Variants in FMNL3 observed in about 807,000 individuals in gnomAD.
FMNL3 encodes formin-like protein 3.
Under a neutral mutation model 119.6 loss-of-function variants are expected in FMNL3, and 57 were observed. The ratio of observed to expected loss-of-function variants is 0.48; its 90% CI spans 0.39 to 0.59. The LOEUF is 0.59. Among genes scored for constraint, FMNL3 ranks in the 20% least tolerant of loss-of-function variants. The pLI is 0.00. For synonymous variants in FMNL3, 491 were observed against 507.3 expected, an observed-to-expected ratio of 0.97 and a Z score of 0.43; for missense variants, 1,053 against 1,323.5, an observed-to-expected ratio of 0.80 and a Z score of 3.17.
intron 1 of FMNL3, among the ~76,000 whole-genome samples, chr12:49,701,841 T>C (rs1335362948): frequency 6.6e-6 from 1 of 151,804 alleles, no homozygotes; most frequent in African/African-American, 2.4e-5. Flanking sequence ...GAGAATCGCT[T>C]GAACCCAGGA....
At chr12:49,698,211 GGT>G (rs1944804476) in intron 1 of FMNL3, among the ~76,000 whole-genome samples, 1 of 152,170 alleles carries the variant, frequency 6.6e-6, no homozygotes. Context: ...CTTCCCTGTT[GGT>G]GTGTATAAGG....
chr12:49,707,242 C>T lies in FMNL3; in HGVS notation c.-62G>A. 1 of 1,395,562 alleles carries T rather than the reference C, an allele frequency of 7.2e-7. No individual in the cohort carries two copies. The highest frequency in any genetic ancestry group is 9.3e-7 in the Non-Finnish European group (1 of 1,071,118). 86.4% of individuals were successfully genotyped at this position (1,395,562 alleles called of 1,614,324 possible). A position where few individuals can be genotyped will look rare whatever the true frequency, so the allele number is the denominator to read the frequency against. On this transcript the variant is annotated 5_prime_UTR_variant, in exon 1 of 26. Coordinates refer to ENST00000335154, the MANE Select transcript of FMNL3 (RefSeq NM_175736.5). ...CTCCACGCTCCGGAGCTTTCGGCTC[C>T]GCGGCTCCGACCAGGCTCCTCCCTC... is the stretch of plus-strand genomic sequence containing the variant.
At chr12:49,657,243 T>A (rs1943600356) in intron 6 of FMNL3, 53 bp from the exon 7 acceptor site, 1 of 1,381,546 alleles carries the variant, frequency 7.2e-7, no homozygotes. Context: ...CAGTGAAGCA[T>A]CTAGGGACAC....
intron 1 of FMNL3, among the ~76,000 whole-genome samples, chr12:49,678,251 G>A (rs924967047): frequency 2.0e-5 from 3 of 150,724 alleles, no homozygotes; most frequent in Non-Finnish European, 4.4e-5. Flanking sequence ...TCTGCCTCCC[G>A]GGTTCAAGTG....
At chr12:49,671,832 A>G (rs1944054163) in intron 1 of FMNL3, among the ~76,000 whole-genome samples, 1 of 152,136 alleles carries the variant, frequency 6.6e-6, no homozygotes, top group Non-Finnish European at 1.5e-5. Context: ...CTAACTCCTC[A>G]TTGAGACCCT....
rs764979918 is a variant in FMNL3 at position 49,644,132 on chromosome 12, T to C, written c.*1683A>G. On this transcript the variant is annotated 3_prime_UTR_variant, in exon 26 of 26. Transcript: ENST00000335154. ...GGGACACGTCAGAAAGTGAGCTGAG[T>C]GAGGGTGAGCTGGAGAGGCGGCGGC... is the stretch of plus-strand genomic sequence containing the variant. 11 of 1,613,864 alleles carry C rather than the reference T, an allele frequency of 6.8e-6. No individual in the cohort carries two copies. In the East Asian group the frequency reaches 1.8e-4, roughly 26 times the overall value.
In FMNL3 at chr12:49,707,081, G is replaced by C; in HGVS notation, c.100C>G (p.Leu34Val). The C allele has an allele frequency of 1.9e-6, 3 of 1,593,698 alleles. No homozygotes were observed. In the South Asian group the frequency reaches 3.4e-5, roughly 18 times the overall value. ...GKMPMPEPCE[L>V]EERFALVLSS... Reference sequence around the variant, plus strand: ...AGCACCAGGGCGAACCTTTCCTCCAGCTCACAGGGCTCAGGCATCGGCATC... The same window carrying C: ...AGCACCAGGGCGAACCTTTCCTCCACCTCACAGGGCTCAGGCATCGGCATC... Residue 34 changes from leucine (L) to valine (V), a missense_variant, in exon 1 of 26, where the codon CTG becomes GTG. By Grantham distance (32) the Leu-to-Val change is conservative (BLOSUM62 1). Around this residue, in one of 4 missense-constraint regions of FMNL3, gnomAD observed 264 missense variants for 265.5 expected, o/e 0.99. Transcript: ENST00000335154.
intron 1 of FMNL3, among the ~76,000 whole-genome samples, chr12:49,669,072 TGAGCCACCC>T (rs1414004432): frequency 6.8e-6 from 1 of 146,220 alleles, no homozygotes; most frequent in East Asian, 2.0e-4. Flanking sequence ...GGGCAAATCC[TGAGCCACCC>T]ACAACCTATG....
rs775472373 is a variant in FMNL3, at chr12:49,637,764, T to C, written c.*8051A>G. 124 of 1,610,696 alleles carry C rather than the reference T, an allele frequency of 7.7e-5. No homozygotes were observed. The highest frequency in any genetic ancestry group is 9.5e-5 in the Non-Finnish European group (112 of 1,177,694). On this transcript the variant is annotated 3_prime_UTR_variant, in exon 26 of 26. Coordinates refer to ENST00000335154, the MANE Select transcript of FMNL3 (RefSeq NM_175736.5). Reference sequence around the variant, plus strand: ...CCCCTCTGGACTTATTCAAGTTCTATGTGGAGGAGTTGAAGGCACGATTCC... The same window carrying C: ...CCCCTCTGGACTTATTCAAGTTCTACGTGGAGGAGTTGAAGGCACGATTCC...
intron 1 of FMNL3, among the ~76,000 whole-genome samples, chr12:49,690,517 A>G (rs1193910488): frequency 6.6e-6 from 1 of 152,206 alleles, no homozygotes; most frequent in Non-Finnish European, 1.5e-5. Flanking sequence ...TTTCACCACT[A>G]TATACCTAGT....
At chr12:49,699,379 T>G (rs762860572) in intron 1 of FMNL3, among the ~76,000 whole-genome samples, 5 of 152,188 alleles carry the variant, frequency 3.3e-5, no homozygotes, top group Non-Finnish European at 7.3e-5. Flanking sequence ...CTTTTTTCAC[T>G]TCACTGAAGA....
chr12:49,700,391 C>CA (rs11456820), intron 1 of FMNL3, among the ~76,000 whole-genome samples: 16,429 of 56,082 alleles, frequency 0.29, 2,289 homozygotes, highest in African/African-American at 0.48. Flanking sequence ...GAATCCGTCT[C>CA]AAAAAAAAAA....
chr12:49,645,812 G>A lies in FMNL3; in HGVS notation c.*3C>T, dbSNP rs769456991. Reference sequence around the variant, plus strand: ...GTGAAGTGCTTCTGCCTCCGAGAGGGTCTCAGTGGGGGCCTGGAGCCCGAG... The same window carrying A: ...GTGAAGTGCTTCTGCCTCCGAGAGGATCTCAGTGGGGGCCTGGAGCCCGAG... On this transcript the variant is annotated 3_prime_UTR_variant, in exon 26 of 26. Transcript: ENST00000335154. The A allele has an allele frequency of 6.3e-6, 10 of 1,598,772 alleles. No individual in the cohort carries two copies. The East Asian group carries it at 9.0e-5, about 14-fold the overall frequency.
chr12:49,698,782 T>TA (rs1182605071), intron 1 of FMNL3, among the ~76,000 whole-genome samples: 2 of 152,076 alleles, frequency 1.3e-5, no homozygotes, highest in Non-Finnish European at 2.9e-5. Context: ...GAAAACAAGA[T>TA]ACAAAGACAT....
chr12:49,707,154 C>A lies in FMNL3; in HGVS notation c.27G>T (p.Gly9=), dbSNP rs1219614993. 9 of 1,585,318 alleles carry A rather than the reference C, an allele frequency of 5.7e-6. No individual in the cohort carries two copies. The highest frequency in any genetic ancestry group is 7.7e-6 in the Non-Finnish European group (9 of 1,167,814). MGNLESAE[G]VPGEPPSVPL... ...GGACAGAGGGGGGCTCTCCCGGGACCCCCTCGGCGCTCTCCAGGTTGCCCA... is the reference window on the plus strand; with the variant it reads ...GGACAGAGGGGGGCTCTCCCGGGACACCCTCGGCGCTCTCCAGGTTGCCCA... Residue 9 remains glycine, a synonymous_variant, in exon 1 of 26, where the codon GGG becomes GGT. Transcript: ENST00000335154.
At chr12:49,679,099 A>G (rs1944269397) in intron 1 of FMNL3, among the ~76,000 whole-genome samples, 1 of 152,218 alleles carries the variant, frequency 6.6e-6, no homozygotes, top group Admixed American at 6.5e-5. Flanking sequence ...AGCACTCTAT[A>G]TGAATTATCT....
intron 1 of FMNL3, among the ~76,000 whole-genome samples, chr12:49,703,524 C>T (rs1944965425): frequency 6.6e-6 from 1 of 151,850 alleles, no homozygotes; most frequent in Non-Finnish European, 1.5e-5. Flanking sequence ...CATCGAGGCA[C>T]ACCTAGAAAA....
In FMNL3 at chr12:49,649,607, G is replaced by C; in HGVS notation, c.2236-69C>G. On this transcript the variant is annotated intron_variant, in intron 18 of 25. Coordinates refer to ENST00000335154, the MANE Select transcript of FMNL3 (RefSeq NM_175736.5). This position sits in a 1 kb window ranked among gnomAD's most constrained non-coding sequence, Gnocchi z 5.6. ...GGGTAAAGACAGGGAGGGGTCAGAAGGACTGGAAGGGCAGGGGAGGTGACT... is the reference window on the plus strand; with the variant it reads ...GGGTAAAGACAGGGAGGGGTCAGAACGACTGGAAGGGCAGGGGAGGTGACT... The C allele has an allele frequency of 6.2e-7, 1 of 1,611,592 alleles. No homozygotes were observed. The highest frequency in any genetic ancestry group is 8.5e-7 in the Non-Finnish European group (1 of 1,177,762).
At chr12:49,674,306 C>T (rs7954994) in intron 1 of FMNL3, among the ~76,000 whole-genome samples, 32,414 of 152,164 alleles carry the variant, frequency 0.21, 5,800 homozygotes, top group African/African-American at 0.5. Flanking sequence ...AACACTTGGC[C>T]AGAAGGACAG....
Sources: gnomAD v4.1 joint callset for allele counts (sites outside exome capture counted in the v4.1 genomes callset) on GRCh38, gnomAD v4.1.1 for gene constraint, gnomAD v4.1.1 regional missense constraint, Gnocchi (gnomAD v3.1) non-coding constraint, MANE v1.5 for transcripts, NCBI Gene and HGNC (gene_info 2026-07-23, HGNC 2026-07-21) for gene names.